Variants in C3orf18 observed in about 807,000 individuals in gnomAD.
C3orf18 encodes chromosome 3 open reading frame 18.
In C3orf18, 12 loss-of-function variants were observed where a neutral mutation model predicts 14.1. The observed-to-expected ratio is 0.85, with a 90% CI of 0.55 to 1.38. The LOEUF (loss-of-function observed/expected upper bound fraction) is 1.38, where lower values mean the gene tolerates loss of function less well. Among genes scored for constraint, C3orf18 ranks in the 40% most tolerant of loss-of-function variants. The probability of loss-of-function intolerance (pLI) is 0.00; values close to 1 mark genes in which losing one functional copy is unlikely to be tolerated. For missense variants in C3orf18, 196 were observed against 213.9 expected, an observed-to-expected ratio of 0.92 and a Z score of 0.52; for synonymous variants, 82 against 87.9, an observed-to-expected ratio of 0.93 and a Z score of 0.38.
chr3:50,563,216 G>A (rs1700095170), intron 3 of C3orf18, among the ~76,000 whole-genome samples: 2 of 152,070 alleles, frequency 1.3e-5, no homozygotes, highest in African/African-American at 4.8e-5. Flanking sequence ...GTCCAGGGTT[G>A]CATGTAGGGG....
Position 50,558,863 on chromosome 3 carries a change from A to G in C3orf18, c.*794T>C. On this transcript the variant is annotated 3_prime_UTR_variant, in exon 6 of 6. Transcript: ENST00000357203. ...CTTGGAGGGTGGGGCCAGTGTGGAC[A>G]ATCTCATTCTGCCCGCTGTGCTGGG... The G allele has an allele frequency of 7.8e-7, 1 of 1,289,802 alleles. No homozygotes were observed. Among genetic ancestry groups the G allele is most frequent in the Non-Finnish European group, 1.0e-6 (1 of 988,852 alleles). 79.9% of individuals were successfully genotyped at this position (1,289,802 alleles called of 1,614,324 possible).
chr3:50,573,301 T>C (rs1701222742), upstream of C3orf18, among the ~76,000 whole-genome samples: 1 of 152,212 alleles, frequency 6.6e-6, no homozygotes, highest in South Asian at 2.1e-4. Flanking sequence ...GGGATTGGCA[T>C]GACCTAGGAC....
upstream of C3orf18, chr3:50,571,429 A>G: frequency 1.1e-6 from 1 of 924,328 alleles, no homozygotes. Context: ...TGCTTAGCTG[A>G]GACTGATGGG....
upstream of C3orf18, chr3:50,572,276 A>T: frequency 6.4e-7 from 1 of 1,558,190 alleles, no homozygotes; most frequent in Non-Finnish European, 8.7e-7. Flanking sequence ...GTCTTACCCC[A>T]GGCTTCCTCC....
intron 3 of C3orf18, among the ~76,000 whole-genome samples, chr3:50,564,714 C>T (rs1445469281): frequency 6.6e-6 from 1 of 152,210 alleles, no homozygotes; most frequent in African/African-American, 2.4e-5. Flanking sequence ...AAATAATTGC[C>T]AAGTGAATAA....
Position 50,561,026 on chromosome 3 carries a change from T to A in C3orf18, c.299A>T (p.Asn100Ile). Residue 100 changes from asparagine (N) to isoleucine (I), a missense_variant, in exon 5 of 6, where the codon AAC becomes ATC. Physicochemically the swap from Asn to Ile is moderately radical, Grantham distance 149. Transcript: ENST00000357203. ...KLRHQLMPMY[N>I]FDPTEEQDEL... ...ATCTTGTTCCTCCGTGGGGTCGAAG[T>A]TGTACATGGGCATGAGCTGGTGGCG... is the stretch of plus-strand genomic sequence containing the variant. The A allele has an allele frequency of 3.1e-6, 5 of 1,614,128 alleles. No individual in the cohort carries two copies. The highest frequency in any genetic ancestry group is 4.2e-6 in the Non-Finnish European group (5 of 1,179,974).
At position 50,565,345 on chromosome 3, in the gene C3orf18, T is replaced by C. The variant is rs567727213; in HGVS notation, c.234+121A>G. The C allele has an allele frequency of 1.1e-4, 90 of 784,506 alleles. 2 individuals are homozygous for C. In the South Asian group the frequency reaches 1.4e-3, roughly 12 times the overall value. The allele number at this position is 784,506 out of a possible 1,614,324, so 48.6% of individuals were successfully genotyped here. A position where few individuals can be genotyped will look rare whatever the true frequency, so the allele number is the denominator to read the frequency against. On this transcript the variant is annotated intron_variant, in intron 3 of 5. Coordinates refer to ENST00000357203, the MANE Select transcript of C3orf18 (RefSeq NM_016210.5). The surrounding 1 kb of genome is among the most constrained non-coding windows in gnomAD (Gnocchi z 4.4). ...TCAAGCCATTGCACTCCAGCCTGCA[T>C]GACAGAGCAAGACTCTGTCTCAAAA...
At chr3:50,572,464 G>A (rs1701111874), upstream of C3orf18, among the ~76,000 whole-genome samples, 1 of 152,240 alleles carries the variant, frequency 6.6e-6, no homozygotes, top group Non-Finnish European at 1.5e-5. Context: ...GCCTCAAATA[G>A]TGCTGCCCAA....
Position 50,558,897 on chromosome 3 carries a change from A to G in C3orf18, c.*760T>C. On this transcript the variant is annotated 3_prime_UTR_variant, in exon 6 of 6. Coordinates refer to ENST00000357203, the MANE Select transcript of C3orf18 (RefSeq NM_016210.5). ...CTGCCCGCTGTGCTGGGACAGGCAC[A>G]TGTCTGCCCATGGGCACACTCATGC... The G allele has an allele frequency of 7.8e-7, 1 of 1,289,504 alleles. No individual in the cohort carries two copies. Among genetic ancestry groups the G allele is most frequent in the Non-Finnish European group, 1.0e-6 (1 of 988,726 alleles). 79.9% of individuals were successfully genotyped at this position (1,289,504 alleles called of 1,614,324 possible).
In C3orf18 at chr3:50,558,526, A is replaced by G. The variant is rs1004825600; in HGVS notation, c.*1131T>C. On this transcript the variant is annotated 3_prime_UTR_variant, in exon 6 of 6. Coordinates refer to ENST00000357203, the MANE Select transcript of C3orf18 (RefSeq NM_016210.5). ...GATGGGATGGAGGTGGGGAATTCAAACATAGACTAAGTTTTTTAGATGTTT... is the reference window on the plus strand; with the variant it reads ...GATGGGATGGAGGTGGGGAATTCAAGCATAGACTAAGTTTTTTAGATGTTT... 2.9e-5 allele frequency: 12 copies of G among 415,786 alleles called. No homozygotes were observed. The highest frequency in any genetic ancestry group is 4.7e-5 in the Non-Finnish European group (11 of 235,578). The allele number at this position is 415,786 out of a possible 1,614,324, so 25.8% of individuals were successfully genotyped here. A position where few individuals can be genotyped will look rare whatever the true frequency, so the allele number is the denominator to read the frequency against.
At chr3:50,560,791 C>T (rs1699916650) in intron 5 of C3orf18, 126 bp downstream of exon 5, 9 of 1,053,664 alleles carry the variant, frequency 8.5e-6, no homozygotes, top group Admixed American at 4.8e-5. Flanking sequence ...TGGAAAAAGC[C>T]GTATACCCAA....
upstream of C3orf18, chr3:50,571,501 A>C: frequency 1.5e-6 from 1 of 672,778 alleles, no homozygotes; most frequent in East Asian, 2.7e-5. Context: ...GGATGAATGA[A>C]TATATCTCTG....
intron 5 of C3orf18, 57 bp from the exon 6 acceptor site, chr3:50,559,794 G>T: frequency 8.4e-7 from 1 of 1,195,634 alleles, no homozygotes; most frequent in Non-Finnish European, 1.2e-6. Context: ...GCACTCACTG[G>T]CCTGGTCACC....
chr3:50,571,659 T>TG (rs1475950088), upstream of C3orf18: 1 of 1,526,020 alleles, frequency 6.6e-7, no homozygotes. Context: ...ACACCTGGGT[T>TG]GGGGGCCTTG....
In C3orf18 at chr3:50,559,597, G is replaced by C. The variant is rs936269472; in HGVS notation, c.*60C>G. The C allele has an allele frequency of 4.7e-6, 7 of 1,478,284 alleles. No individual in the cohort carries two copies. The highest frequency in any genetic ancestry group is 6.3e-6 in the Non-Finnish European group (7 of 1,107,238). 91.6% of individuals were successfully genotyped at this position (1,478,284 alleles called of 1,614,324 possible). On this transcript the variant is annotated 3_prime_UTR_variant, in exon 6 of 6. Transcript: ENST00000357203. ...AGTAGGTCTTGACAATCAGGGAGTGGGGAGCTCTGTAGGCACCGTGATGGG... is the reference window on the plus strand; with the variant it reads ...AGTAGGTCTTGACAATCAGGGAGTGCGGAGCTCTGTAGGCACCGTGATGGG...
upstream of C3orf18, among the ~76,000 whole-genome samples, chr3:50,573,672 C>T (rs907482504): frequency 6.6e-6 from 1 of 152,294 alleles, no homozygotes; most frequent in South Asian, 2.1e-4. Context: ...CAGGTTCACC[C>T]CAATGTAAAG....
chr3:50,561,621 G>T, intron 4 of C3orf18, 101 bp downstream of exon 4: 1 of 1,197,904 alleles, frequency 8.3e-7, no homozygotes, highest in Non-Finnish European at 1.2e-6. Context: ...GACAGGCCTT[G>T]ACTCCCTGAT....
chr3:50,560,576 A>T (rs1226738711), intron 5 of C3orf18, among the ~76,000 whole-genome samples: 1 of 152,206 alleles, frequency 6.6e-6, no homozygotes, highest in African/African-American at 2.4e-5. Context: ...CTACTTTCCT[A>T]ACCAGTACGT....
In C3orf18 at chr3:50,559,616, T is replaced by C; in HGVS notation, c.*41A>G. Reference sequence around the variant, plus strand: ...GGAGTGGGGAGCTCTGTAGGCACCGTGATGGGTCTCTATCAGAAGTCCAGG... The same window carrying C: ...GGAGTGGGGAGCTCTGTAGGCACCGCGATGGGTCTCTATCAGAAGTCCAGG... On this transcript the variant is annotated 3_prime_UTR_variant, in exon 6 of 6. Coordinates refer to ENST00000357203, the MANE Select transcript of C3orf18 (RefSeq NM_016210.5). 3 of 1,512,482 alleles carry C rather than the reference T, an allele frequency of 2.0e-6. No homozygotes were observed. The highest frequency in any genetic ancestry group is 2.7e-6 in the Non-Finnish European group (3 of 1,124,444). The allele number at this position is 1,512,482 out of a possible 1,614,324, so 93.7% of individuals were successfully genotyped here. A position where few individuals can be genotyped will look rare whatever the true frequency, so the allele number is the denominator to read the frequency against.
Sources: allele counts gnomAD v4.1 joint callset (sites outside exome capture counted in the v4.1 genomes callset), GRCh38; gene constraint gnomAD v4.1.1; non-coding constraint Gnocchi (gnomAD v3.1); transcripts MANE v1.5; gene names NCBI Gene and HGNC (gene_info 2026-07-23, HGNC 2026-07-21).